The following CNTN5 variants were observed in gnomAD, a reference collection of about 807,000 sequenced individuals.
The protein encoded by CNTN5 is contactin-5.
A neutral mutation model predicts 129.1 loss-of-function variants in CNTN5; 77 were observed. The observed-to-expected ratio is 0.60, with a 90% CI of 0.50 to 0.72. The LOEUF (loss-of-function observed/expected upper bound fraction) is 0.72, where lower values mean the gene tolerates loss of function less well. Among genes scored for constraint, CNTN5 ranks in the 30% least tolerant of loss-of-function variants. The pLI, the probability that CNTN5 is intolerant of heterozygous loss-of-function variation, is 0.00. For synonymous variants in CNTN5, 509 were observed against 465.6 expected, an observed-to-expected ratio of 1.09 and a Z score of -1.20; for missense variants, 1,478 against 1,328.8, an observed-to-expected ratio of 1.11 and a Z score of -1.75.
intron 16 of CNTN5, among the ~76,000 whole-genome samples, chr11:100,245,083 C>T (rs1189131697): frequency 5.9e-5 from 9 of 152,096 alleles, no homozygotes; most frequent in Non-Finnish European, 1.3e-4. Flanking sequence ...AAGAAATCCA[C>T]TGATTTTCAT....
chr11:99,722,646 T>C (rs1055063010), intron 3 of CNTN5, among the ~76,000 whole-genome samples: 1 of 151,982 alleles, frequency 6.6e-6, no homozygotes, highest in Non-Finnish European at 1.5e-5. Context: ...ACAAAAATAA[T>C]TTAAGGAAGT....
At chr11:99,852,334 A>G (rs1947898618) in intron 6 of CNTN5, among the ~76,000 whole-genome samples, 2 of 152,204 alleles carry the variant, frequency 1.3e-5, no homozygotes, top group Non-Finnish European at 2.9e-5. Context: ...AAAATACATA[A>G]TTTTATGATT....
At chr11:99,636,061 G>A (rs1951538617) in intron 3 of CNTN5, among the ~76,000 whole-genome samples, 1 of 151,102 alleles carries the variant, frequency 6.6e-6, no homozygotes, top group South Asian at 2.1e-4. Context: ...AAGGACTGAA[G>A]TAGAAAACTA....
At chr11:99,024,738 C>G (rs559739735) in intron 1 of CNTN5, among the ~76,000 whole-genome samples, 114 of 151,932 alleles carry the variant, frequency 7.5e-4, no homozygotes, top group African/African-American at 2.6e-3. Flanking sequence ...TGGGAACTTT[C>G]CAGAGAGGCC....
At chr11:99,566,763 T>G (rs1338734276) in intron 3 of CNTN5, among the ~76,000 whole-genome samples, 2 of 152,188 alleles carry the variant, frequency 1.3e-5, no homozygotes, top group East Asian at 3.9e-4. Flanking sequence ...GCATGGGAGA[T>G]ATGTCATATA....
chr11:99,361,211 T>A (rs1048497492), intron 2 of CNTN5, among the ~76,000 whole-genome samples: 9 of 152,200 alleles, frequency 5.9e-5, no homozygotes, highest in Non-Finnish European at 1.2e-4. Flanking sequence ...AGGTTTTCTC[T>A]ATAGCTCTTC....
chr11:99,560,061 G>T (rs1028249451), intron 3 of CNTN5, among the ~76,000 whole-genome samples: 1 of 152,018 alleles, frequency 6.6e-6, no homozygotes, highest in Non-Finnish European at 1.5e-5. Context: ...AGGTTGAATG[G>T]GTAAATGAAG....
chr11:99,690,513 C>A (rs1435058273), intron 3 of CNTN5, among the ~76,000 whole-genome samples: 1 of 152,098 alleles, frequency 6.6e-6, no homozygotes. Flanking sequence ...TGAAGAATGT[C>A]CATGGCAGTT....
At chr11:99,453,732 C>G (rs1365918437) in intron 2 of CNTN5, among the ~76,000 whole-genome samples, 1 of 151,918 alleles carries the variant, frequency 6.6e-6, no homozygotes, top group Non-Finnish European at 1.5e-5. Context: ...TATAATGGAG[C>G]AAAATGGGAA....
At chr11:100,176,664 A>G (rs977941692) in intron 13 of CNTN5, among the ~76,000 whole-genome samples, 1 of 152,118 alleles carries the variant, frequency 6.6e-6, no homozygotes, top group African/African-American at 2.4e-5. Context: ...GTGGTCTTAC[A>G]TAACTAGAAT....
chr11:100,015,327 A>G (rs755550721), intron 9 of CNTN5, among the ~76,000 whole-genome samples: 3 of 152,054 alleles, frequency 2.0e-5, no homozygotes, highest in East Asian at 1.9e-4. Flanking sequence ...TTCAGAAACA[A>G]TTTTTCTACT....
chr11:100,294,154 C>G (rs1265221927), intron 18 of CNTN5, among the ~76,000 whole-genome samples: 3 of 151,480 alleles, frequency 2.0e-5, no homozygotes, highest in African/African-American at 4.8e-5. Flanking sequence ...GTGGGGTAAG[C>G]GCTTACTGTA....
chr11:99,438,212 G>A (rs2726408), intron 2 of CNTN5, among the ~76,000 whole-genome samples: 70,135 of 151,970 alleles, frequency 0.46, 16,773 homozygotes, highest in Non-Finnish European at 0.52. Context: ...CATGATGAAA[G>A]TGCCAAATCA....
intron 16 of CNTN5, among the ~76,000 whole-genome samples, chr11:100,236,796 C>G (rs995470761): frequency 1.3e-5 from 2 of 152,172 alleles, no homozygotes; most frequent in African/African-American, 4.8e-5. Flanking sequence ...TCTCTCACCT[C>G]TCTCACTGAT....
At chr11:100,350,913 A>T in intron 24 of CNTN5, 43 bp downstream of exon 24, 1 of 1,455,464 alleles carries the variant, frequency 6.9e-7, no homozygotes, top group Non-Finnish European at 9.3e-7. Context: ...ACAACCAACA[A>T]TTACGAGATG....
At chr11:100,100,925 C>G (rs556860966) in intron 13 of CNTN5, among the ~76,000 whole-genome samples, 62 of 152,128 alleles carry the variant, frequency 4.1e-4, no homozygotes, top group African/African-American at 1.5e-3. Context: ...GGATGGATTT[C>G]CCCAATTTTC....
intron 1 of CNTN5, among the ~76,000 whole-genome samples, chr11:99,077,275 A>G (rs1865615281): frequency 6.6e-6 from 1 of 152,212 alleles, no homozygotes; most frequent in Non-Finnish European, 1.5e-5. Context: ...AGGAGCAACA[A>G]CATCAACAAC....
chr11:99,855,946 C>G (rs1197067538), intron 6 of CNTN5, among the ~76,000 whole-genome samples: 1 of 151,920 alleles, frequency 6.6e-6, no homozygotes. Context: ...AAACTAGAAA[C>G]CAATATACTC....
In CNTN5 at chr11:99,041,151, C is replaced by T. The variant is rs968208062; in HGVS notation, c.-210+19881C>T. ...TATGTTTCATGGAGTAGGTATTTACCACCAGGAGCCAACTCCAATAACTTT... is the reference window on the plus strand; with the variant it reads ...TATGTTTCATGGAGTAGGTATTTACTACCAGGAGCCAACTCCAATAACTTT... On this transcript the variant is annotated intron_variant, in intron 1 of 24. Coordinates refer to ENST00000524871, the MANE Select transcript of CNTN5 (RefSeq NM_014361.4). 3.9e-5 allele frequency among the ~76,000 whole-genome samples: 6 copies of T among 152,010 alleles called. 1 individual carries two copies. Among genetic ancestry groups the T allele is most frequent in the Admixed American group, 1.3e-4 (2 of 15,270 alleles).
Sources: allele counts gnomAD v4.1 joint callset (sites outside exome capture counted in the v4.1 genomes callset), GRCh38; gene constraint gnomAD v4.1.1; transcripts MANE v1.5; gene names NCBI Gene and HGNC (gene_info 2026-07-23, HGNC 2026-07-21).